The following SORCS3 variants were observed in gnomAD, a reference collection of about 807,000 sequenced individuals.
SORCS3 encodes VPS10 domain-containing receptor SorCS3.
SORCS3 carries 57 observed loss-of-function variants against 146.3 expected under a neutral mutation model. The observed-to-expected ratio is 0.39, with a 90% confidence interval of 0.31 to 0.49. SORCS3 has a LOEUF of 0.49. Among genes scored for constraint, SORCS3 ranks in the 20% least tolerant of loss-of-function variants. SORCS3 has a pLI of 0.92. For missense variants in SORCS3, 1,341 were observed against 1,575.5 expected, an observed-to-expected ratio of 0.85 and a Z score of 2.52; for synonymous variants, 653 against 618.5, an observed-to-expected ratio of 1.06 and a Z score of -0.83.
intron 1 of SORCS3, among the ~76,000 whole-genome samples, chr10:104,719,869 A>G (rs1043052061): frequency 6.6e-6 from 1 of 152,010 alleles, no homozygotes; most frequent in African/African-American, 2.4e-5. Flanking sequence ...GGTGAGGGGG[A>G]ACAAATGGAT....
intron 5 of SORCS3, among the ~76,000 whole-genome samples, chr10:105,059,975 G>A (rs568095450): frequency 6.6e-6 from 1 of 152,340 alleles, no homozygotes; most frequent in South Asian, 2.1e-4. Flanking sequence ...TGTTGAGGTA[G>A]TTTATTATGC....
At chr10:104,662,436 G>A (rs971084313) in intron 1 of SORCS3, among the ~76,000 whole-genome samples, 4 of 152,160 alleles carry the variant, frequency 2.6e-5, no homozygotes, top group African/African-American at 9.7e-5. Context: ...TAAAAGCATG[G>A]TGGGGCTCAA....
At chr10:105,099,269 C>T (rs1311427134) in intron 6 of SORCS3, among the ~76,000 whole-genome samples, 4 of 152,152 alleles carry the variant, frequency 2.6e-5, no homozygotes, top group Admixed American at 6.5e-5. Flanking sequence ...ACGGGTATTT[C>T]TCTAAGAGAA....
chr10:104,711,922 T>G (rs955108430), intron 1 of SORCS3, among the ~76,000 whole-genome samples: 1 of 152,154 alleles, frequency 6.6e-6, no homozygotes, highest in Non-Finnish European at 1.5e-5. Context: ...TTATGCCAAG[T>G]TAATCACCAC....
intron 5 of SORCS3, among the ~76,000 whole-genome samples, chr10:105,056,596 C>G (rs1418119120): frequency 6.6e-6 from 1 of 152,120 alleles, no homozygotes; most frequent in Non-Finnish European, 1.5e-5. Flanking sequence ...TTGGCACTTT[C>G]TTGTGATGCT....
chr10:104,967,927 T>C (rs1422469919), intron 3 of SORCS3, among the ~76,000 whole-genome samples: 1 of 152,066 alleles, frequency 6.6e-6, no homozygotes, highest in African/African-American at 2.4e-5. Context: ...CCCAAAATGC[T>C]GGGATTACTA....
chr10:104,695,332 T>A (rs2016161524), intron 1 of SORCS3, among the ~76,000 whole-genome samples: 1 of 151,736 alleles, frequency 6.6e-6, no homozygotes, highest in Non-Finnish European at 1.5e-5. Context: ...ATTGGTGGTT[T>A]GTTATTTGCT....
At chr10:105,189,861 A>T (rs960871052) in intron 14 of SORCS3, among the ~76,000 whole-genome samples, 5 of 152,180 alleles carry the variant, frequency 3.3e-5, no homozygotes, top group Admixed American at 6.5e-5. Flanking sequence ...TCCCAACTGG[A>T]GGCTAAGCCA....
chr10:104,841,086 C>A (rs544986732), intron 1 of SORCS3, among the ~76,000 whole-genome samples: 1 of 152,096 alleles, frequency 6.6e-6, no homozygotes, highest in Admixed American at 6.6e-5. Flanking sequence ...ACCATATATA[C>A]TGATTCAACA....
intron 3 of SORCS3, among the ~76,000 whole-genome samples, chr10:104,966,540 G>T (rs1461188527): frequency 6.6e-6 from 1 of 152,010 alleles, no homozygotes; most frequent in Admixed American, 6.6e-5. Flanking sequence ...TTCTGAGAAC[G>T]TGCCCAAAAC....
At chr10:105,050,744 T>A (rs2055404821) in intron 5 of SORCS3, among the ~76,000 whole-genome samples, 1 of 152,150 alleles carries the variant, frequency 6.6e-6, no homozygotes, top group African/African-American at 2.4e-5. Context: ...ACAGAATTAT[T>A]AAGAGATAAC....
intron 21 of SORCS3, among the ~76,000 whole-genome samples, chr10:105,246,139 A>G (rs1359504058): frequency 1.3e-5 from 2 of 152,130 alleles, no homozygotes; most frequent in Non-Finnish European, 2.9e-5. Flanking sequence ...AAACTAGATA[A>G]TAAGGCTAAG....
Position 105,182,230 on chromosome 10 carries a change from CTTT to C in SORCS3, c.2009+4078_2009+4080del, listed in dbSNP as rs11340368. The stretch of plus-strand genomic sequence containing the variant: ...CAGCCAACTTGTGACTATTCAGCAT[CTTT>C]TTTTTTTTTTTTTTTTTTTTGTGCC... On this transcript the variant is annotated intron_variant, in intron 14 of 26. Coordinates refer to ENST00000369701, the MANE Select transcript of SORCS3 (RefSeq NM_014978.3). Among the ~76,000 whole-genome samples, 358 of 70,484 alleles carry C rather than the reference CTTT, an allele frequency of 5.1e-3. 3 individuals are homozygous for C. Among genetic ancestry groups the C allele is most frequent in the African/African-American group, 0.017 (330 of 18,996 alleles). The allele number at this position is 70,484 out of a possible 152,430, so 46.2% of individuals were successfully genotyped here.
intron 22 of SORCS3, among the ~76,000 whole-genome samples, chr10:105,249,428 A>T (rs1334530660): frequency 6.6e-6 from 1 of 152,206 alleles, no homozygotes; most frequent in Non-Finnish European, 1.5e-5. Flanking sequence ...GTGGTTCCCC[A>T]AGGCAGAGGA....
chr10:104,742,644 A>G (rs745805033), intron 1 of SORCS3, among the ~76,000 whole-genome samples: 3 of 152,222 alleles, frequency 2.0e-5, no homozygotes, highest in Non-Finnish European at 2.9e-5. Flanking sequence ...TGGGGCCTCA[A>G]GAGGTATTAA....
intron 3 of SORCS3, among the ~76,000 whole-genome samples, chr10:104,955,138 CA>C (rs1328576032): frequency 6.6e-6 from 1 of 152,114 alleles, no homozygotes; most frequent in Admixed American, 6.6e-5. Context: ...TTATCACCCC[CA>C]AAAGAAGCCC....
At chr10:105,121,217 CAGAA>C (rs2133765257) in intron 7 of SORCS3, among the ~76,000 whole-genome samples, 1 of 152,292 alleles carries the variant, frequency 6.6e-6, no homozygotes, top group African/African-American at 2.4e-5. Context: ...AATCAACAAA[CAGAA>C]AGAATTGTTG....
rs147155519 is a variant in SORCS3, at chr10:105,147,714, G to A, written c.1400G>A (p.Arg467His). The A allele has an allele frequency of 3.8e-5, 61 of 1,613,006 alleles. No individual in the cohort carries two copies. In the South Asian group the frequency reaches 4.1e-4, roughly 11 times the overall value. The change falls in exon 9 of 27, where the codon CGT (arginine) becomes CAT (histidine). Residue 467 changes from arginine (R) to histidine (H), a missense_variant. Coordinates refer to ENST00000369701, the MANE Select transcript of SORCS3 (RefSeq NM_014978.3). ...TACAACCTCTACATCTCAGACACGC[G>A]TGGGATTTACTTCACTCTGGCCATG... ...DTYNLYISDT[R>H]GIYFTLAMEN...
intron 1 of SORCS3, among the ~76,000 whole-genome samples, chr10:104,771,898 C>A (rs1209746725): frequency 6.6e-6 from 1 of 152,018 alleles, no homozygotes; most frequent in African/African-American, 2.4e-5. Context: ...AGAGCCCTAG[C>A]CTTGGCTTCC....
Sources: gnomAD v4.1 joint callset for allele counts (sites outside exome capture counted in the v4.1 genomes callset) on GRCh38, gnomAD v4.1.1 for gene constraint, MANE v1.5 for transcripts, NCBI Gene and HGNC (gene_info 2026-07-23, HGNC 2026-07-21) for gene names.